Variants in TRIM21 observed in about 807,000 individuals in gnomAD.
The protein encoded by TRIM21 is tripartite motif containing 21.
Under a neutral mutation model 36.1 loss-of-function variants are expected in TRIM21, and 35 were observed. The observed-to-expected ratio is 0.97, with a 90% CI of 0.74 to 1.28. The LOEUF (loss-of-function observed/expected upper bound fraction) is 1.28, where lower values mean the gene tolerates loss of function less well. Among genes scored for constraint, TRIM21 ranks in the 50% most tolerant of loss-of-function variants. TRIM21 has a pLI of 0.00. For synonymous variants in TRIM21, 256 were observed against 211.5 expected, an observed-to-expected ratio of 1.21 and a Z score of -1.83; for missense variants, 635 against 570.7, an observed-to-expected ratio of 1.11 and a Z score of -1.15.
intron 3 of TRIM21, among the ~76,000 whole-genome samples, 166 bp from the exon 4 acceptor site, chr11:4,388,696 A>G (rs890420): frequency 0.57 from 85,875 of 151,646 alleles, 26,354 homozygotes; most frequent in Non-Finnish European, 0.68. Context: ...CACACACACA[A>G]TTTTGCTTGG....
At chr11:4,391,852 C>T (rs2094963366) in intron 1 of TRIM21, among the ~76,000 whole-genome samples, 2 of 152,092 alleles carry the variant, frequency 1.3e-5, no homozygotes, top group African/African-American at 4.8e-5. Context: ...TATGGTCTCA[C>T]TCATTTGTAG....
chr11:4,386,939 C>T (rs759649253), intron 5 of TRIM21, 29 bp downstream of exon 5: 1 of 1,576,170 alleles, frequency 6.3e-7, no homozygotes, highest in Non-Finnish European at 8.6e-7. Context: ...CTGCTGGCCC[C>T]TCTTCTAACA....
At position 4,390,262 on chromosome 11, in the gene TRIM21, C is replaced by G. The variant is rs187897017; in HGVS notation, c.148G>C (p.Val50Leu). The G allele has an allele frequency of 3.1e-6, 5 of 1,613,970 alleles. No individual in the cohort carries two copies. Among genetic ancestry groups the G allele is most frequent in the Non-Finnish European group, 4.2e-6 (5 of 1,179,892 alleles). Residue 50 changes from valine (V) to leucine (L), a missense_variant, in exon 2 of 7, where the codon GTC becomes CTC. Transcript: ENST00000254436. ...AAGCGCTGCCGGCACACAGGACAGACGCTGCCCCCACCTTTCCCAACCTGA... is the reference window on the plus strand; with the variant it reads ...AAGCGCTGCCGGCACACAGGACAGAGGCTGCCCCCACCTTTCCCAACCTGA... Reference protein sequence around the residue: ...ISQVGKGGGSVCPVCRQRFLL... With the variant: ...ISQVGKGGGSLCPVCRQRFLL...
intron 3 of TRIM21, among the ~76,000 whole-genome samples, chr11:4,388,856 C>T (rs1048904439): frequency 6.6e-6 from 1 of 151,650 alleles, no homozygotes; most frequent in African/African-American, 2.4e-5. Context: ...CTCAAATGTG[C>T]CCCTGTGTCT....
intron 1 of TRIM21, among the ~76,000 whole-genome samples, chr11:4,391,580 A>T (rs2094963086): frequency 6.6e-6 from 1 of 152,168 alleles, no homozygotes; most frequent in Admixed American, 6.5e-5. Flanking sequence ...GCTAGCATAT[A>T]CCCCAAAGAA....
intron 5 of TRIM21, among the ~76,000 whole-genome samples, chr11:4,386,696 G>A (rs866086010): frequency 1.1e-4 from 16 of 152,142 alleles, no homozygotes; most frequent in South Asian, 2.1e-4. Flanking sequence ...TCTGAATTCC[G>A]GGAAGACCCA....
chr11:4,388,781 C>T (rs116996347), intron 3 of TRIM21, among the ~76,000 whole-genome samples: 4,148 of 152,208 alleles, frequency 0.027, 85 homozygotes, highest in Middle Eastern at 0.054. Context: ...TGGCCTACAA[C>T]GACAGCTACA....
chr11:4,393,077 A>C (rs1203850692), intron 1 of TRIM21, among the ~76,000 whole-genome samples: 5 of 152,192 alleles, frequency 3.3e-5, no homozygotes, highest in Non-Finnish European at 5.9e-5. Context: ...CAGCTGCTCC[A>C]AACTTAGTTT....
In TRIM21 at chr11:4,385,454, A is replaced by T. The variant is rs1564809238; in HGVS notation, c.1259T>A (p.Phe420Tyr). Residue 420 changes from phenylalanine to tyrosine, a missense_variant, in exon 7 of 7, where the codon TTC becomes TAC. By Grantham distance (22) the Phe-to-Tyr change is conservative. Transcript: ENST00000254436. Reference sequence around the variant, plus strand: ...GGAGCCATGGTCAGTGATGTTGTAGAAGGAGACCATGCCAGCCTCATAGTC... The same window carrying T: ...GGAGCCATGGTCAGTGATGTTGTAGTAGGAGACCATGCCAGCCTCATAGTC... ...FLDYEAGMVS[F>Y]YNITDHGSLI... The T allele has an allele frequency of 6.2e-7, 1 of 1,613,114 alleles. No homozygotes were observed. Among genetic ancestry groups the T allele is most frequent in the Non-Finnish European group, 8.5e-7 (1 of 1,179,546 alleles).
rs538797691 is a variant in TRIM21 at position 4,385,523 on chromosome 11, G to A, written c.1190C>T (p.Pro397Leu). Reference sequence around the variant, plus strand: ...GCATGGAGGCACCTGAAGGTGGAGGGGAGTCTGGGGGTAGGTGCCAGCCTC... The same window carrying A: ...GCATGGAGGCACCTGAAGGTGGAGGAGAGTCTGGGGGTAGGTGCCAGCCTC... ...KYEAGTYPQT[P>L]LHLQVPPCQV... The change falls in exon 7 of 7, where the codon CCC (proline) becomes CTC (leucine). Residue 397 changes from proline to leucine, a missense_variant. By Grantham distance (98) the Pro-to-Leu change is moderately conservative. Coordinates refer to ENST00000254436, the MANE Select transcript of TRIM21 (RefSeq NM_003141.4). 3.1e-6 allele frequency: 5 copies of A among 1,611,740 alleles called. No individual in the cohort carries two copies. Among genetic ancestry groups the A allele is most frequent in the Non-Finnish European group, 4.2e-6 (5 of 1,178,914 alleles).
chr11:4,390,322 C>T lies in TRIM21; in HGVS notation c.88G>A (p.Glu30Lys), dbSNP rs751244449. 32 of 1,613,784 alleles carry T rather than the reference C, an allele frequency of 2.0e-5. No individual in the cohort carries two copies. Among genetic ancestry groups the T allele is most frequent in the East Asian group, 4.5e-5 (2 of 44,882 alleles). ...TCCTGGCAGAAGCTGTGGCCACACTCGATGCTCACAGGCTCCACGAAGGGG... is the reference window on the plus strand; with the variant it reads ...TCCTGGCAGAAGCTGTGGCCACACTTGATGCTCACAGGCTCCACGAAGGGG... The part of the protein sequence containing the change: ...LDPFVEPVSI[E>K]CGHSFCQECI... Residue 30 changes from glutamate to lysine, a missense_variant, in exon 2 of 7, where the codon GAG becomes AAG. Coordinates refer to ENST00000254436, the MANE Select transcript of TRIM21 (RefSeq NM_003141.4).
rs2094954109 is a variant in TRIM21 at position 4,384,908 on chromosome 11, A to T, written c.*377T>A. On this transcript the variant is annotated 3_prime_UTR_variant, in exon 7 of 7. Transcript: ENST00000254436. ...GGGATAGACGGAGGCACAGTTTTTT[A>T]AATTTTATTTTTTATTTTTAGGAAG... 5.5e-6 allele frequency: 1 copy of T among 183,266 alleles called. No homozygotes were observed. Among genetic ancestry groups the T allele is most frequent in the Non-Finnish European group, 1.1e-5 (1 of 88,430 alleles). The allele number at this position is 183,266 out of a possible 1,614,324, so 11.4% of individuals were successfully genotyped here. A position where few individuals can be genotyped will look rare whatever the true frequency, so the allele number is the denominator to read the frequency against.
intron 4 of TRIM21, 119 bp from the exon 5 acceptor site, chr11:4,387,109 G>T (rs758634572): frequency 2.0e-6 from 2 of 1,001,914 alleles, no homozygotes; most frequent in Middle Eastern, 4.4e-4. Context: ...TCCTTCCTCT[G>T]GTCCTAGGCC....
chr11:4,391,968 G>GGGAT (rs2094963467), intron 1 of TRIM21, among the ~76,000 whole-genome samples: 1 of 151,984 alleles, frequency 6.6e-6, no homozygotes, highest in African/African-American at 2.4e-5. Flanking sequence ...GGGAGAAGAT[G>GGGAT]GGATGGTTAA....
intron 1 of TRIM21, among the ~76,000 whole-genome samples, chr11:4,391,015 G>A (rs200315886): frequency 2.0e-5 from 3 of 149,834 alleles, no homozygotes; most frequent in Non-Finnish European, 4.5e-5. Context: ...ATTGGACTGG[G>A]CAAAGATTTC....
intron 1 of TRIM21, among the ~76,000 whole-genome samples, chr11:4,391,714 T>TA (rs1697344956): frequency 6.6e-6 from 1 of 152,216 alleles, no homozygotes; most frequent in Non-Finnish European, 1.5e-5. Flanking sequence ...GAAAATGTGG[T>TA]ATGTATACAC....
chr11:4,385,404 C>T lies in TRIM21; in HGVS notation c.1309G>A (p.Ala437Thr). The T allele has an allele frequency of 6.2e-7, 1 of 1,613,734 alleles. No individual in the cohort carries two copies. Among genetic ancestry groups the T allele is most frequent in the Non-Finnish European group, 8.5e-7 (1 of 1,179,814 alleles). Reference sequence around the variant, plus strand: ...AAGGGCCGCAGAGGTCCTGTAAAGGCACATTCAGAGAAGGAGTAGATGAGG... The same window carrying T: ...AAGGGCCGCAGAGGTCCTGTAAAGGTACATTCAGAGAAGGAGTAGATGAGG... The part of the protein sequence containing the change: ...GSLIYSFSEC[A>T]FTGPLRPFFS... Residue 437 changes from alanine to threonine, a missense_variant, in exon 7 of 7, where the codon GCC (alanine) becomes ACC (threonine). Ala to Thr is a moderately conservative substitution (Grantham distance 58). Transcript: ENST00000254436.
At chr11:4,392,974 C>T (rs1196018856) in intron 1 of TRIM21, among the ~76,000 whole-genome samples, 1 of 152,072 alleles carries the variant, frequency 6.6e-6, no homozygotes. Flanking sequence ...CCTATAACGG[C>T]GGAAGTCAGT....
rs940783490 is a variant in TRIM21 at position 4,393,697 on chromosome 11, A to C, written c.-114T>G. The C allele has an allele frequency of 6.6e-6, 1 of 152,560 alleles. No homozygotes were observed. The highest frequency in any genetic ancestry group is 1.5e-5 in the Non-Finnish European group (1 of 68,336). 9.5% of individuals were successfully genotyped at this position (152,560 alleles called of 1,614,324 possible). A position where few individuals can be genotyped will look rare whatever the true frequency, so the allele number is the denominator to read the frequency against. ...TCACTTTCAGTTTCCGCTCAGAAGC[A>C]AGTCTGAGAGGAAAGGGGAGGGAGG... On this transcript the variant is annotated 5_prime_UTR_variant, in exon 1 of 7. Transcript: ENST00000254436.
Sources: gnomAD v4.1 joint callset for allele counts (sites outside exome capture counted in the v4.1 genomes callset) on GRCh38, gnomAD v4.1.1 for gene constraint, MANE v1.5 for transcripts, NCBI Gene and HGNC (gene_info 2026-07-23, HGNC 2026-07-21) for gene names.